Variants in ZFP90 observed in about 807,000 individuals in gnomAD.
ZFP90 encodes the protein zinc finger protein 90 homolog.
ZFP90 carries 38 observed loss-of-function variants against 60.8 expected under a neutral mutation model. The ratio of observed to expected loss-of-function variants is 0.62; its 90% CI spans 0.48 to 0.82. The LOEUF is 0.82. Ranked by LOEUF, ZFP90 falls within the 40% of genes least tolerant of loss-of-function variation. The pLI is 0.00. For synonymous variants in ZFP90, 287 were observed against 264.8 expected, an observed-to-expected ratio of 1.08 and a Z score of -0.82; for missense variants, 711 against 759.1, an observed-to-expected ratio of 0.94 and a Z score of 0.74.
Position 68,566,498 on chromosome 16 carries a change from C to G in ZFP90, c.*1800C>G, listed in dbSNP as rs1031811173. 26 of 985,428 alleles carry G rather than the reference C, an allele frequency of 2.6e-5. No individual in the cohort carries two copies. Among genetic ancestry groups the G allele is most frequent in the Non-Finnish European group, 3.0e-5 (25 of 829,940 alleles). The allele number at this position is 985,428 out of a possible 1,614,324, so 61.0% of individuals were successfully genotyped here. A position where few individuals can be genotyped will look rare whatever the true frequency, so the allele number is the denominator to read the frequency against. On this transcript the variant is annotated 3_prime_UTR_variant, in exon 5 of 5. Transcript: ENST00000563169. ...CAGCAGCACCCAAGTATTCTTCATT[C>G]TTTGCAGGGAAAAAATTGTGCATGG...
upstream of ZFP90, among the ~76,000 whole-genome samples, chr16:68,538,755 AT>A (rs1200730901): frequency 2.0e-5 from 3 of 152,214 alleles, no homozygotes; most frequent in Non-Finnish European, 2.9e-5. Flanking sequence ...CCCAAACAAA[AT>A]CCTGCGTAAG....
intron 2 of ZFP90, among the ~76,000 whole-genome samples, chr16:68,575,553 AAAG>A (rs1364531058): frequency 2.8e-5 from 4 of 144,494 alleles, no homozygotes; most frequent in Admixed American, 6.8e-5. Flanking sequence ...AAAAAAAAAA[AAAG>A]GCTAAAACAA....
In ZFP90 at chr16:68,565,374, A is replaced by G. The variant is rs916527240; in HGVS notation, c.*676A>G. ...AAATTTTAAGATGTATCAGATACAC[A>G]AACATTTAATGGGCACCTATGGGTT... On this transcript the variant is annotated 3_prime_UTR_variant, in exon 5 of 5. Coordinates refer to ENST00000563169, the MANE Select transcript of ZFP90 (RefSeq NM_001305203.2). The G allele has an allele frequency of 1.4e-5, 14 of 985,630 alleles. No individual in the cohort carries two copies. The highest frequency in any genetic ancestry group is 1.7e-5 in the Non-Finnish European group (14 of 829,942). The allele number at this position is 985,630 out of a possible 1,614,324, so 61.1% of individuals were successfully genotyped here.
Position 68,563,917 on chromosome 16 carries a change from G to GATGTTCTTCCCTTGTCC in ZFP90, c.1132_1148dup (p.Gln383HisfsTer37). Reference sequence around the variant, plus strand: ...AAGGAATGTGGGAAAGCCTTTAGTCGATGTTCTTCCCTTGTCCAACATGAG... The same window carrying GATGTTCTTCCCTTGTCC: ...AAGGAATGTGGGAAAGCCTTTAGTCGATGTTCTTCCCTTGTCCATGTTCTTCCCTTGTCCAACATGAG... On this transcript the variant is annotated frameshift_variant, in exon 5 of 5. Coordinates refer to ENST00000563169, the MANE Select transcript of ZFP90 (RefSeq NM_001305203.2). LOFTEE classifies it high-confidence loss of function. The GATGTTCTTCCCTTGTCC allele has an allele frequency of 3.1e-6, 5 of 1,613,996 alleles. No homozygotes were observed. Among genetic ancestry groups the GATGTTCTTCCCTTGTCC allele is most frequent in the Non-Finnish European group, 4.2e-6 (5 of 1,179,982 alleles).
rs201511608 is a variant in ZFP90 at position 68,564,404 on chromosome 16, G to A, written c.1617G>A (p.Ser539=). Residue 539 remains serine, a synonymous_variant, in exon 5 of 5, where the codon TCG becomes TCA. Transcript: ENST00000563169. ...GAGAAGCCTTTAGTCGACGCTCATC[G>A]CTTACTCAACATGAGAGAACCCACA... ...ECGEAFSRRS[S]LTQHERTHTG... The A allele has an allele frequency of 2.1e-5, 34 of 1,612,946 alleles. No individual in the cohort carries two copies. The highest frequency in any genetic ancestry group is 8.9e-5 in the East Asian group (4 of 44,798).
chr16:68,551,535 G>T (rs2091261947), intron 2 of ZFP90, among the ~76,000 whole-genome samples: 1 of 147,538 alleles, frequency 6.8e-6, no homozygotes, highest in Non-Finnish European at 1.5e-5. Context: ...AATTCTCCCT[G>T]CCTCAGCCTC....
At chr16:68,550,823 C>G (rs1481724540) in intron 2 of ZFP90, among the ~76,000 whole-genome samples, 1 of 152,166 alleles carries the variant, frequency 6.6e-6, no homozygotes, top group Non-Finnish European at 1.5e-5. Flanking sequence ...AGGATGAAGG[C>G]AAGGGACTGA....
intron 2 of ZFP90, among the ~76,000 whole-genome samples, chr16:68,542,371 A>G (rs557260387): frequency 2.1e-4 from 32 of 152,222 alleles, no homozygotes; most frequent in Admixed American, 5.2e-4. Context: ...CAAGCGGATC[A>G]CTTGAGGTCA....
chr16:68,550,754 G>T (rs1366355923), intron 2 of ZFP90, among the ~76,000 whole-genome samples: 1 of 152,234 alleles, frequency 6.6e-6, no homozygotes, highest in Non-Finnish European at 1.5e-5. Flanking sequence ...TGTGGCTGTA[G>T]ATTGCCATTC....
chr16:68,540,539 C>T (rs1023807091), intron 2 of ZFP90, among the ~76,000 whole-genome samples: 3 of 152,050 alleles, frequency 2.0e-5, no homozygotes, highest in African/African-American at 7.2e-5. Flanking sequence ...CTAAGGTTAT[C>T]CATTGATTTA....
At chr16:68,557,490 G>GGTA (rs1170543341) in intron 2 of ZFP90, among the ~76,000 whole-genome samples, 1 of 151,934 alleles carries the variant, frequency 6.6e-6, no homozygotes, top group Non-Finnish European at 1.5e-5. Context: ...CAATATGTAT[G>GGTA]GTATTTCATA....
chr16:68,542,779 AACTCGTTCATTCATCATTCATTCATCT>A (rs1339034478), intron 2 of ZFP90, among the ~76,000 whole-genome samples: 2 of 152,140 alleles, frequency 1.3e-5, no homozygotes, highest in African/African-American at 4.8e-5. Flanking sequence ...TTGGCCTTGT[AACTCGTTCATTCATCATTCATTCATCT>A]ACTCATTCAC....
chr16:68,547,525 T>C (rs762206619), intron 2 of ZFP90, among the ~76,000 whole-genome samples: 45 of 152,172 alleles, frequency 3.0e-4, no homozygotes, highest in Non-Finnish European at 4.7e-4. Context: ...TTATGATCCC[T>C]CTTCCTTAGG....
upstream of ZFP90, among the ~76,000 whole-genome samples, chr16:68,537,967 C>T (rs538328533): frequency 3.4e-4 from 52 of 152,048 alleles, 2 homozygotes; most frequent in Admixed American, 3.1e-3. Context: ...GGTTGGAGTG[C>T]AATGGTGCAA....
intron 2 of ZFP90, among the ~76,000 whole-genome samples, chr16:68,542,547 T>G (rs917813694): frequency 1.3e-5 from 2 of 151,938 alleles, no homozygotes; most frequent in African/African-American, 2.4e-5. Context: ...ACCGAGATCC[T>G]GCCACTGCAC....
In ZFP90 at chr16:68,564,452, T is replaced by C. The variant is rs1183287671; in HGVS notation, c.1665T>C (p.Cys555=). ...ACACTGGAGAGAAACCCTATGAATG[T>C]ATTGACTGTGGGAAAGCCTTTAGTC... ...RTHTGEKPYE[C]IDCGKAFSQS... is the part of the protein sequence containing the mutation. Residue 555 remains cysteine, a synonymous_variant, in exon 5 of 5, where the codon TGT becomes TGC. Transcript: ENST00000563169. 4.3e-6 allele frequency: 7 copies of C among 1,614,130 alleles called. No homozygotes were observed. The highest frequency in any genetic ancestry group is 5.9e-6 in the Non-Finnish European group (7 of 1,180,006).
downstream of ZFP90, among the ~76,000 whole-genome samples, chr16:68,568,440 C>T (rs2091550024): frequency 6.6e-6 from 1 of 152,156 alleles, no homozygotes; most frequent in African/African-American, 2.4e-5. Context: ...TTATACACTG[C>T]TGGCAAGAGG....
At position 68,563,828 on chromosome 16, in the gene ZFP90, T is replaced by G; in HGVS notation, c.1041T>G (p.Phe347Leu). The G allele has an allele frequency of 6.2e-7, 1 of 1,613,916 alleles. No individual in the cohort carries two copies. The highest frequency in any genetic ancestry group is 2.2e-5 in the East Asian group (1 of 44,840). ...GATGTAATCTATGTGGGAGGTCCTT[T>G]AGGCATGGCACATCCCTCACTCAAC... ...PYRCNLCGRS[F>L]RHGTSLTQHE... The change falls in exon 5 of 5, where the codon TTT becomes TTG. Residue 347 changes from phenylalanine (F) to leucine (L), a missense_variant. By Grantham distance (22) the Phe-to-Leu change is conservative (BLOSUM62 0). Around this residue, in one of 5 missense-constraint regions of ZFP90, gnomAD observed 146 missense variants for 201.4 expected, o/e 0.73. Transcript: ENST00000563169.
upstream of ZFP90, among the ~76,000 whole-genome samples, chr16:68,537,274 C>T (rs760341134): frequency 4.6e-5 from 7 of 152,146 alleles, no homozygotes; most frequent in African/African-American, 9.6e-5. Context: ...TACAGGCGCA[C>T]GCCACCACAC....
Sources: gnomAD v4.1 joint callset for allele counts (sites outside exome capture counted in the v4.1 genomes callset) on GRCh38, gnomAD v4.1.1 for gene constraint, gnomAD v4.1.1 regional missense constraint, MANE v1.5 for transcripts, NCBI Gene and HGNC (gene_info 2026-07-23, HGNC 2026-07-21) for gene names.